VCF2: variants seen among roughly 807,000 people sequenced by gnomAD.
VCF2 encodes protein VCF2.
chrX:55,144,103 A>G, the VCF2 span, among the ~76,000 whole-genome samples: 1 of 110,728 alleles, frequency 9.0e-6, no homozygotes, highest in Admixed American at 9.6e-5. Flanking sequence ...TTTATCTTTG[A>G]TATCTTTAAA....
chrX:55,143,935 A>G, the VCF2 span: 1 of 790,454 alleles, frequency 1.3e-6, no homozygotes, highest in Non-Finnish European at 1.9e-6. Flanking sequence ...ATTTACACTG[A>G]CCACTCTGGA....
the VCF2 span, chrX:55,145,671 G>A: frequency 1.3e-6 from 1 of 756,263 alleles, no homozygotes; most frequent in Non-Finnish European, 1.6e-6. Flanking sequence ...TTAAATGAAA[G>A]CTACATACCT....
the VCF2 span, among the ~76,000 whole-genome samples, chrX:55,159,491 A>G: frequency 1.8e-5 from 2 of 112,471 alleles, no homozygotes; most frequent in East Asian, 5.5e-4. Context: ...GATCCTTGAA[A>G]ATAAAGAATA....
At chrX:55,159,276 T>C in the VCF2 span, 1 of 1,018,474 alleles carries the variant, frequency 9.8e-7, no homozygotes, top group Non-Finnish European at 1.4e-6. Context: ...ACAACTGATC[T>C]TTTGGATGCT....
At chrX:55,143,174 G>A in the VCF2 span, 15 of 111,169 alleles carry the variant, frequency 1.3e-4, no homozygotes, top group African/African-American at 2.9e-4. Context: ...AAGGGGTCCC[G>A]AGCGGGGTAG....
At chrX:55,153,282 T>C in the VCF2 span, among the ~76,000 whole-genome samples, 2 of 112,234 alleles carry the variant, frequency 1.8e-5, no homozygotes, top group Non-Finnish European at 3.8e-5. Flanking sequence ...TATACAGAGT[T>C]GGGACTTTAA....
chrX:55,158,845 G>T, the VCF2 span, among the ~76,000 whole-genome samples: 7 of 111,177 alleles, frequency 6.3e-5, no homozygotes, highest in Non-Finnish European at 1.3e-4. Flanking sequence ...CATATAAAAA[G>T]AAGGGAAGTA....
the VCF2 span, chrX:55,145,911 C>T: frequency 2.0e-6 from 2 of 1,019,851 alleles, no homozygotes; most frequent in Non-Finnish European, 2.5e-6. Context: ...ATTTCATAAA[C>T]ATTTATTCAC....
chrX:55,153,252 T>C, the VCF2 span, among the ~76,000 whole-genome samples: 1 of 112,653 alleles, frequency 8.9e-6, no homozygotes, highest in East Asian at 2.8e-4. Context: ...GAGACCTGTC[T>C]CAGATATTTT....
chrX:55,153,697 A>G, the VCF2 span, among the ~76,000 whole-genome samples: 1 of 111,423 alleles, frequency 9.0e-6, no homozygotes, highest in Admixed American at 9.5e-5. Context: ...CTACAAATAT[A>G]TTTCTTTTGT....
At chrX:55,157,441 C>G in the VCF2 span, among the ~76,000 whole-genome samples, 1,702 of 111,596 alleles carry the variant, frequency 0.015, 30 homozygotes, top group African/African-American at 0.053. Context: ...GCTGAAGCAC[C>G]AGAATCGCTT....
At chrX:55,153,673 T>G in the VCF2 span, among the ~76,000 whole-genome samples, 1 of 111,376 alleles carries the variant, frequency 9.0e-6, no homozygotes, top group Non-Finnish European at 1.9e-5. Context: ...TATCTTCACT[T>G]TCTAACTCAT....
chrX:55,143,627 C>A, the VCF2 span: 1 of 400,503 alleles, frequency 2.5e-6, no homozygotes, highest in Non-Finnish European at 4.5e-6. Flanking sequence ...CATCCAGGAC[C>A]AAAGTAAGTC....
chrX:55,151,848 T>G, the VCF2 span, among the ~76,000 whole-genome samples: 1 of 109,946 alleles, frequency 9.1e-6, no homozygotes, highest in African/African-American at 3.3e-5. Context: ...TTTTTTCCAT[T>G]TTTCCTTATT....
the VCF2 span, chrX:55,160,773 G>C: frequency 7.2e-6 from 8 of 1,105,061 alleles, no homozygotes; most frequent in Admixed American, 2.1e-4. Context: ...ATGCCAATTT[G>C]AAAAACAGAA....
chrX:55,145,596 T>C, the VCF2 span: 1 of 757,487 alleles, frequency 1.3e-6, no homozygotes, highest in Non-Finnish European at 1.6e-6. Context: ...CAAGACTGAA[T>C]CTGGCTTTGC....
chrX:55,146,960 G>A, the VCF2 span, among the ~76,000 whole-genome samples: 2 of 111,777 alleles, frequency 1.8e-5, no homozygotes, highest in Non-Finnish European at 3.8e-5. Flanking sequence ...AGTATTCATT[G>A]TTCTTCTATA....
the VCF2 span, among the ~76,000 whole-genome samples, chrX:55,157,037 C>G: frequency 8.9e-6 from 1 of 112,359 alleles, no homozygotes; most frequent in Non-Finnish European, 1.9e-5. Flanking sequence ...TTGAATGTAT[C>G]TTTAAGTAGA....
At chrX:55,151,823 T>G in the VCF2 span, among the ~76,000 whole-genome samples, 2 of 111,206 alleles carry the variant, frequency 1.8e-5, no homozygotes, top group Non-Finnish European at 3.8e-5. Context: ...ATTTTTTTTC[T>G]TTCTTTCCTT....
Sources: gnomAD v4.1 joint callset for allele counts (sites outside exome capture counted in the v4.1 genomes callset) on GRCh38, gnomAD v4.1.1 for gene constraint, MANE v1.5 for transcripts, NCBI Gene and HGNC (gene_info 2026-07-23, HGNC 2026-07-21) for gene names.